GRK3: variants seen among roughly 807,000 people sequenced by gnomAD.
GRK3 encodes the protein G protein-coupled receptor kinase 3, also known as adrenergic, beta, receptor kinase 2.
In GRK3, 54 loss-of-function variants were observed where a neutral mutation model predicts 95.7. The observed-to-expected ratio is 0.56, with a 90% CI of 0.45 to 0.71. GRK3 has a LOEUF of 0.71. Among genes scored for constraint, GRK3 ranks in the 30% least tolerant of loss-of-function variants. GRK3 has a pLI of 0.00. For missense variants in GRK3, 649 were observed against 851.2 expected (o/e 0.76, Z 2.96); for synonymous variants, 281 against 290.8 (o/e 0.97, Z 0.34).
intron 1 of GRK3, among the ~76,000 whole-genome samples, chr22:25,571,156 C>T (rs566250645): frequency 2.0e-5 from 3 of 152,270 alleles, no homozygotes; most frequent in South Asian, 2.1e-4. Flanking sequence ...GACCTCCATC[C>T]TTAGTGCACC....
chr22:25,698,914 T>C (rs1486711079), intron 13 of GRK3, among the ~76,000 whole-genome samples: 1 of 152,190 alleles, frequency 6.6e-6, no homozygotes, highest in Admixed American at 6.5e-5. Context: ...GTTTTGTTTT[T>C]GTTTTTTTAT....
rs147261261 is a variant in GRK3, at chr22:25,685,144, T to C, written c.748-26T>C. Reference sequence around the variant, plus strand: ...CTTTCTAGGCAGCTTTTGCTCTTCTTATAAACTTTTATTGTTTCACTCTAG... The same window carrying C: ...CTTTCTAGGCAGCTTTTGCTCTTCTCATAAACTTTTATTGTTTCACTCTAG... On this transcript the variant is annotated intron_variant, in intron 9 of 20. Transcript: ENST00000324198. 3.9e-4 allele frequency: 612 copies of C among 1,551,602 alleles called. 3 individuals carry two copies. The African/African-American group carries it at 7.1e-3, about 18-fold the overall frequency.
intron 5 of GRK3, 104 bp downstream of exon 5, chr22:25,663,808 A>G: frequency 2.6e-6 from 2 of 767,646 alleles, no homozygotes; most frequent in East Asian, 2.7e-5. Flanking sequence ...CTTGCTTTGT[A>G]AAGACTGTGT....
chr22:25,632,972 G>A (rs1194561440), intron 2 of GRK3, among the ~76,000 whole-genome samples: 1 of 151,958 alleles, frequency 6.6e-6, no homozygotes, highest in East Asian at 1.9e-4. Flanking sequence ...GTGCAGTGGC[G>A]TGATCTTGGC....
chr22:25,588,300 C>T, intron 1 of GRK3, among the ~76,000 whole-genome samples: 1 of 152,200 alleles, frequency 6.6e-6, no homozygotes, highest in South Asian at 2.1e-4. Flanking sequence ...AAGAAAAAGG[C>T]ATTAAAACAG....
At chr22:25,663,276 C>T (rs1235704945) in intron 4 of GRK3, among the ~76,000 whole-genome samples, 2 of 152,162 alleles carry the variant, frequency 1.3e-5, no homozygotes, top group Admixed American at 1.3e-4. Flanking sequence ...CCTCCTGCCT[C>T]AACCTCCCAA....
At chr22:25,662,007 C>T (rs2084912682) in intron 4 of GRK3, among the ~76,000 whole-genome samples, 1 of 152,154 alleles carries the variant, frequency 6.6e-6, no homozygotes, top group South Asian at 2.1e-4. Flanking sequence ...ATGAGCTATA[C>T]TTTAACAATT....
Position 25,709,974 on chromosome 22 carries a change from C to G in GRK3, c.1395+10C>G. 6.2e-7 allele frequency: 1 copy of G among 1,600,992 alleles called. No individual in the cohort carries two copies. The highest frequency in any genetic ancestry group is 2.2e-5 in the East Asian group (1 of 44,820). ...TGTCTACTTACAAAAGGTACTCACT[C>G]CCTCTTGACTCTACTTACGGTACTG... On this transcript the variant is annotated intron_variant, in intron 16 of 20. Transcript: ENST00000324198.
At position 25,725,029 on chromosome 22, in the gene GRK3, T is replaced by G. The variant is rs1468192234; in HGVS notation, c.*2579T>G. ...GTGCATGCCACCTTTCCTGGCTAAT[T>G]TATTTTTTGGGTAGAGATGGGGTCT... On this transcript the variant is annotated 3_prime_UTR_variant, in exon 21 of 21. Coordinates refer to ENST00000324198, the MANE Select transcript of GRK3 (RefSeq NM_005160.4). The G allele has an allele frequency of 6.6e-6, 1 of 152,136 alleles. No individual in the cohort carries two copies. Among genetic ancestry groups the G allele is most frequent in the Admixed American group, 6.5e-5 (1 of 15,270 alleles). 9.4% of individuals were successfully genotyped at this position (152,136 alleles called of 1,614,324 possible). A position where few individuals can be genotyped will look rare whatever the true frequency, so the allele number is the denominator to read the frequency against.
intron 3 of GRK3, chr22:25,647,112 T>C (rs2084790734): frequency 2.6e-6 from 1 of 381,912 alleles, no homozygotes. Flanking sequence ...AGAATTCTAT[T>C]CCCAGCAAAA....
intron 1 of GRK3, among the ~76,000 whole-genome samples, chr22:25,573,854 G>C (rs915751648): frequency 6.6e-6 from 1 of 151,734 alleles, no homozygotes; most frequent in East Asian, 1.9e-4. Context: ...AGCTGAGATC[G>C]TGCTATTGCA....
chr22:25,669,072 A>G (rs1264326020), intron 6 of GRK3, among the ~76,000 whole-genome samples: 3 of 152,174 alleles, frequency 2.0e-5, no homozygotes, highest in Admixed American at 6.5e-5. Context: ...GTTAATTTCC[A>G]TCAAATTAGA....
At chr22:25,695,313 T>A in intron 13 of GRK3, 99 bp downstream of exon 13, 2 of 806,560 alleles carry the variant, frequency 2.5e-6, no homozygotes, top group South Asian at 1.7e-5. Flanking sequence ...AATGTTATTT[T>A]AAATCACACA....
intron 14 of GRK3, 66 bp downstream of exon 14, chr22:25,703,642 A>T (rs565185023): frequency 3.5e-6 from 4 of 1,158,466 alleles, no homozygotes; most frequent in African/African-American, 1.5e-5. Context: ...CGTCAATAAT[A>T]AAAAAATGCT....
At chr22:25,622,856 A>G (rs767842969) in intron 2 of GRK3, among the ~76,000 whole-genome samples, 19 of 152,226 alleles carry the variant, frequency 1.2e-4, no homozygotes, top group Non-Finnish European at 1.9e-4. Flanking sequence ...AGACTCAAGG[A>G]GTAGTTCAAT....
chr22:25,677,549 A>G (rs1569190736), intron 8 of GRK3, among the ~76,000 whole-genome samples: 1 of 152,238 alleles, frequency 6.6e-6, no homozygotes. Flanking sequence ...TTGATCCCAC[A>G]TGTAAGCAAA....
Position 25,711,640 on chromosome 22 carries a change from A to G in GRK3, c.1491+477A>G, listed in dbSNP as rs114548537. ...CTCTGCATTTTTCGAACTTTTGTTC[A>G]TATCGTTATTCCCCCAAGTAGAGAC... On this transcript the variant is annotated intron_variant, in intron 17 of 20. Transcript: ENST00000324198. Among the ~76,000 whole-genome samples the G allele has an allele frequency of 7.1e-3, 1,083 of 152,186 alleles. 13 individuals carry two copies. The highest frequency in any genetic ancestry group is 0.025 in the African/African-American group (1,025 of 41,498).
intron 6 of GRK3, 50 bp from the exon 7 acceptor site, chr22:25,672,246 C>A: frequency 3.3e-6 from 3 of 912,204 alleles, no homozygotes; most frequent in Non-Finnish European, 5.1e-6. Context: ...TTTTGTAAAT[C>A]CAGTTAATTT....
rs570545525 is a variant in GRK3, at chr22:25,628,309, CAA to C, written c.191-16281_191-16280del. ...AGTGTGGCCATGTCTATTGAAATAA[CAA>C]AGTGTCCATATGACGTTTAACTTAC... is the stretch of plus-strand genomic sequence containing the variant. On this transcript the variant is annotated intron_variant, in intron 2 of 20. Transcript: ENST00000324198. 2.5e-3 allele frequency among the ~76,000 whole-genome samples: 377 copies of C among 152,288 alleles called. 3 individuals are homozygous for C. Among genetic ancestry groups the C allele is most frequent in the African/African-American group, 7.7e-3 (318 of 41,568 alleles).
Sources: gnomAD v4.1 joint callset for allele counts (sites outside exome capture counted in the v4.1 genomes callset) on GRCh38, gnomAD v4.1.1 for gene constraint, MANE v1.5 for transcripts, NCBI Gene and HGNC (gene_info 2026-07-23, HGNC 2026-07-21) for gene names.